The following ATR variants were observed in gnomAD, a reference collection of about 807,000 sequenced individuals.
ATR encodes ATR checkpoint kinase, also known as serine/threonine-protein kinase ATR.
A neutral mutation model predicts 305.3 loss-of-function variants in ATR; 142 were observed. That is an observed-to-expected ratio of 0.47 (90% confidence interval 0.41 to 0.53). The LOEUF is 0.53. Among genes scored for constraint, ATR ranks in the 20% least tolerant of loss-of-function variants. The pLI is 0.00. For synonymous variants in ATR, 1,050 were observed against 1,068.1 expected (o/e 0.98, Z 0.33); for missense variants, 2,135 against 3,133.1 (o/e 0.68, Z 7.60).
chr3:142,559,740 A>C (rs780295820), intron 6 of ATR, among the ~76,000 whole-genome samples: 142 of 152,214 alleles, frequency 9.3e-4, no homozygotes, highest in Non-Finnish European at 1.5e-3. Context: ...CCATCTCTAC[A>C]AAAAAAATTT....
chr3:142,567,827 A>G (rs2035124634), intron 2 of ATR, among the ~76,000 whole-genome samples: 1 of 152,242 alleles, frequency 6.6e-6, no homozygotes, highest in African/African-American at 2.4e-5. Flanking sequence ...AAGAACTCAT[A>G]GCAAGCAGTA....
chr3:142,554,392 T>G (rs1010861515), intron 10 of ATR, among the ~76,000 whole-genome samples: 23 of 152,104 alleles, frequency 1.5e-4, no homozygotes, highest in African/African-American at 5.3e-4. Flanking sequence ...CATGCCTGGC[T>G]AATTTTTGTA....
chr3:142,531,825 C>T (rs1409444589), intron 21 of ATR, among the ~76,000 whole-genome samples: 31 of 152,280 alleles, frequency 2.0e-4, no homozygotes, highest in East Asian at 5.8e-4. Flanking sequence ...CCTGAGGAAT[C>T]GCCACACTGA....
At chr3:142,505,552 T>C (rs2032193904) in intron 28 of ATR, among the ~76,000 whole-genome samples, 1 of 152,182 alleles carries the variant, frequency 6.6e-6, no homozygotes. Flanking sequence ...GATCATAAGG[T>C]TTATAAAGAA....
At chr3:142,532,189 A>G (rs901396546) in intron 21 of ATR, among the ~76,000 whole-genome samples, 1 of 151,826 alleles carries the variant, frequency 6.6e-6, no homozygotes, top group Non-Finnish European at 1.5e-5. Context: ...CTTCTGCGTC[A>G]CTCACGCTGG....
rs2070932213 is a variant in ATR at position 142,457,518 on chromosome 3, G to T, written c.7655+86C>A. ...AAACTATTTCAGTCAGTACAAAGTG[G>T]TTTCTACATAAAAACAAACATATGT... On this transcript the variant is annotated intron_variant, in intron 45 of 46. Coordinates refer to ENST00000350721, the MANE Select transcript of ATR (RefSeq NM_001184.4). 5 of 1,526,418 alleles carry T rather than the reference G, an allele frequency of 3.3e-6. No individual in the cohort carries two copies. In the East Asian group the frequency reaches 1.1e-4, roughly 35 times the overall value. 94.6% of individuals were successfully genotyped at this position (1,526,418 alleles called of 1,614,324 possible). A position where few individuals can be genotyped will look rare whatever the true frequency, so the allele number is the denominator to read the frequency against.
chr3:142,473,546 TC>T (rs1224742608), intron 36 of ATR, among the ~76,000 whole-genome samples: 4 of 151,726 alleles, frequency 2.6e-5, no homozygotes, highest in Admixed American at 2.0e-4. Context: ...TCAGCTTTAT[TC>T]TTTTTTTTTT....
In ATR at chr3:142,566,228, T is replaced by C. The variant is rs1281363680; in HGVS notation, c.185A>G (p.Gln62Arg). The C allele has an allele frequency of 6.2e-7, 1 of 1,613,950 alleles. No individual in the cohort carries two copies. The highest frequency in any genetic ancestry group is 8.5e-7 in the Non-Finnish European group (1 of 1,179,914). ...AVELVKKTDSQPTSVMLLDFI... is the reference protein window; with the variant it reads ...AVELVKKTDSRPTSVMLLDFI... ...ATCAAGCAACATCACGGAGGTTGGC[T>C]GAGAGTCAGTTTTCTTTACAAGTTC... is the stretch of plus-strand genomic sequence containing the variant. The change falls in exon 3 of 47, where the codon CAG becomes CGG. Residue 62 changes from glutamine (Q) to arginine (R), a missense_variant. Transcript: ENST00000350721.
intron 3 of ATR, among the ~76,000 whole-genome samples, chr3:142,563,521 C>T (rs940489149): frequency 2.0e-5 from 3 of 152,112 alleles, no homozygotes; most frequent in East Asian, 1.9e-4. Context: ...TGAACCACAC[C>T]GATATAAGGT....
rs767374235 is a variant in ATR, at chr3:142,553,368, T to G, written c.2664A>C (p.Ala888=). 7 of 1,613,848 alleles carry G rather than the reference T, an allele frequency of 4.3e-6. No individual in the cohort carries two copies. The highest frequency in any genetic ancestry group is 5.9e-6 in the Non-Finnish European group (7 of 1,180,000). Reference sequence around the variant, plus strand: ...ACAAACAATGCAATAAGTGTAAGAGTGCAAATGGTACCAAATCTCCTTTTG... The same window carrying G: ...ACAAACAATGCAATAAGTGTAAGAGGGCAAATGGTACCAAATCTCCTTTTG... The part of the protein sequence containing the change: ...RAAKGDLVPF[A]LLHLLHCLLS... The change falls in exon 13 of 47, where the codon GCA becomes GCC. Residue 888 remains alanine (A), a synonymous_variant. Coordinates refer to ENST00000350721, the MANE Select transcript of ATR (RefSeq NM_001184.4).
intron 1 of ATR, among the ~76,000 whole-genome samples, chr3:142,578,306 A>G (rs928599030): frequency 1.1e-4 from 16 of 152,260 alleles, no homozygotes; most frequent in Non-Finnish European, 1.9e-4. Flanking sequence ...TTTCGAGAAG[A>G]AAATGAGTGT....
intron 21 of ATR, among the ~76,000 whole-genome samples, chr3:142,526,647 A>T (rs1175870145): frequency 6.6e-6 from 1 of 152,098 alleles, no homozygotes; most frequent in Non-Finnish European, 1.5e-5. Context: ...GTCAAAGTCT[A>T]TTCGGCATCT....
intron 36 of ATR, among the ~76,000 whole-genome samples, chr3:142,474,905 AT>A (rs200884364): frequency 1.6e-4 from 24 of 150,572 alleles, no homozygotes; most frequent in South Asian, 6.3e-4. Flanking sequence ...TTCTATACAT[AT>A]TTTTTTTTTA....
rs976136379 is a variant in ATR at position 142,559,375 on chromosome 3, T to C, written c.1608A>G (p.Ser536=). ...KKPSVVITWM[S]LDFYTKVLKS... Reference sequence around the variant, plus strand: ...TAAGCACTTTTGTGTAAAAATCCAATGACATCCAAGTTATCACTACAGAAG... The same window carrying C: ...TAAGCACTTTTGTGTAAAAATCCAACGACATCCAAGTTATCACTACAGAAG... Residue 536 remains serine, a synonymous_variant, in exon 7 of 47, where the codon TCA becomes TCG. Coordinates refer to ENST00000350721, the MANE Select transcript of ATR (RefSeq NM_001184.4). The C allele has an allele frequency of 3.1e-6, 5 of 1,613,820 alleles. No homozygotes were observed. In the African/African-American group the frequency reaches 4.0e-5, roughly 13 times the overall value.
chr3:142,499,744 A>C, intron 30 of ATR, 26 bp from the exon 31 acceptor site: 1 of 1,592,930 alleles, frequency 6.3e-7, no homozygotes, highest in Non-Finnish European at 8.6e-7. Flanking sequence ...CATATCAACT[A>C]AACTTTAATT....
chr3:142,477,475 G>A (rs2029954068), intron 36 of ATR, among the ~76,000 whole-genome samples: 1 of 152,152 alleles, frequency 6.6e-6, no homozygotes, highest in Admixed American at 6.5e-5. Flanking sequence ...TTTTTGATGT[G>A]CTGCTGGATT....
intron 21 of ATR, among the ~76,000 whole-genome samples, chr3:142,525,493 C>G (rs369285524): frequency 6.6e-6 from 1 of 151,850 alleles, no homozygotes; most frequent in Non-Finnish European, 1.5e-5. Flanking sequence ...CTAAGGAGAA[C>G]TGAAATCGTT....
intron 36 of ATR, among the ~76,000 whole-genome samples, chr3:142,476,560 T>C (rs981695323): frequency 6.6e-5 from 10 of 152,220 alleles, no homozygotes; most frequent in African/African-American, 2.2e-4. Flanking sequence ...TGGCTTAGGA[T>C]TGACTTGGCA....
At chr3:142,491,446 G>T (rs1209502271) in intron 35 of ATR, among the ~76,000 whole-genome samples, 1 of 152,158 alleles carries the variant, frequency 6.6e-6, no homozygotes, top group Non-Finnish European at 1.5e-5. Context: ...CCTGGCTTTA[G>T]TACCCAGGCA....
Sources: allele counts gnomAD v4.1 joint callset (sites outside exome capture counted in the v4.1 genomes callset), GRCh38; gene constraint gnomAD v4.1.1; transcripts MANE v1.5; gene names NCBI Gene and HGNC (gene_info 2026-07-23, HGNC 2026-07-21).